Variants in PLEKHG7 observed in about 807,000 individuals in gnomAD.
PLEKHG7 encodes the protein pleckstrin homology domain-containing family G member 7.
In PLEKHG7, 77 loss-of-function variants were observed where a neutral mutation model predicts 85.2. The ratio of observed to expected loss-of-function variants is 0.90; its 90% confidence interval spans 0.75 to 1.09. The LOEUF (loss-of-function observed/expected upper bound fraction) is 1.09. Among genes scored for constraint, PLEKHG7 ranks in the 50% least tolerant of loss-of-function variants. The pLI is 0.00. For missense variants in PLEKHG7, 777 were observed against 804.3 expected (o/e 0.97, Z 0.41); for synonymous variants, 301 against 302.4 (o/e 1.00, Z 0.05).
chr12:92,716,359 A>G (rs148521264), intron 3 of PLEKHG7, among the ~76,000 whole-genome samples: 41 of 152,282 alleles, frequency 2.7e-4, no homozygotes, highest in Middle Eastern at 6.8e-3. Context: ...TGGCCTCCCA[A>G]AGTGCTGGGA....
chr12:92,712,830 C>A (rs1349245261), intron 3 of PLEKHG7, among the ~76,000 whole-genome samples: 2 of 152,172 alleles, frequency 1.3e-5, no homozygotes, highest in Non-Finnish European at 2.9e-5. Flanking sequence ...TGGGGACCCA[C>A]TGGACTCACT....
At chr12:92,707,234 TA>T (rs35501734) in intron 2 of PLEKHG7, 96 bp downstream of exon 2, 1 of 1,472,804 alleles carries the variant, frequency 6.8e-7, no homozygotes, top group Non-Finnish European at 8.9e-7. Flanking sequence ...CAGTAGATCC[TA>T]AAAAGGAGAC....
intron 7 of PLEKHG7, among the ~76,000 whole-genome samples, chr12:92,737,739 G>GGGAGGGAGCGAGGAAGGGAGGGAGGGAA (rs1872206852): frequency 7.9e-6 from 1 of 126,456 alleles, no homozygotes; most frequent in Non-Finnish European, 1.7e-5. Context: ...GAGGGAGGAA[G>GGGAGGGAGCGAGGAAGGGAGGGAGGGAA]GGAGGGAGGG....
At chr12:92,735,616 C>A (rs920041370) in intron 5 of PLEKHG7, among the ~76,000 whole-genome samples, 3 of 152,204 alleles carry the variant, frequency 2.0e-5, no homozygotes, top group African/African-American at 7.2e-5. Context: ...TATTTGATAG[C>A]TTCTTCCTGC....
At chr12:92,719,609 T>C (rs959032709) in intron 3 of PLEKHG7, among the ~76,000 whole-genome samples, 8 of 152,232 alleles carry the variant, frequency 5.3e-5, no homozygotes, top group Non-Finnish European at 1.2e-4. Context: ...AGATTTTTAT[T>C]CCTTTTAGAC....
intron 14 of PLEKHG7, among the ~76,000 whole-genome samples, chr12:92,762,254 T>TACTG (rs1873058770): frequency 6.6e-6 from 1 of 152,212 alleles, no homozygotes; most frequent in Non-Finnish European, 1.5e-5. Context: ...CTGAACTGTC[T>TACTG]ACTGTCTTAT....
At chr12:92,731,172 AAT>A (rs1324693224) in intron 4 of PLEKHG7, among the ~76,000 whole-genome samples, 1 of 152,204 alleles carries the variant, frequency 6.6e-6, no homozygotes, top group Non-Finnish European at 1.5e-5. Flanking sequence ...CAGGGACCCC[AAT>A]TATTGCAGTT....
intron 10 of PLEKHG7, among the ~76,000 whole-genome samples, chr12:92,750,061 A>C (rs1872651011): frequency 6.9e-6 from 1 of 145,262 alleles, no homozygotes; most frequent in Admixed American, 7.0e-5. Flanking sequence ...ACAGGGTCTC[A>C]CTCTGTCACC....
rs549664322 is a variant in PLEKHG7 at position 92,733,031 on chromosome 12, C to T, written c.699+758C>T. ...CCTCATTCTGTTAAAAATCTGCCCA[C>T]GTGGCCTTGCCAATCAGTTTGGCAT... On this transcript the variant is annotated intron_variant, in intron 5 of 16. Coordinates refer to ENST00000344636, the MANE Select transcript of PLEKHG7 (RefSeq NM_001377329.1). 6.8e-4 allele frequency among the ~76,000 whole-genome samples: 104 copies of T among 152,282 alleles called. 1 individual carries two copies. The highest frequency in any genetic ancestry group is 1.9e-3 in the Admixed American group (29 of 15,280).
rs546240073 is a variant in PLEKHG7, at chr12:92,722,570, T to TAG, written c.531-6423_531-6422insAG. Reference sequence around the variant, plus strand: ...GTTCACAAGCCGGTTATCTTCTCCCTGCTCCCTATGTGCAAATTCAACTCC... The same window carrying TAG: ...GTTCACAAGCCGGTTATCTTCTCCCTAGGCTCCCTATGTGCAAATTCAACTCC... On this transcript the variant is annotated intron_variant, in intron 3 of 16. Coordinates refer to ENST00000344636, the MANE Select transcript of PLEKHG7 (RefSeq NM_001377329.1). Among the ~76,000 whole-genome samples the TAG allele has an allele frequency of 1.8e-3, 268 of 152,312 alleles. 2 individuals carry two copies. Among genetic ancestry groups the TAG allele is most frequent in the African/African-American group, 6.3e-3 (263 of 41,562 alleles).
At chr12:92,741,629 A>T in intron 9 of PLEKHG7, 37 bp downstream of exon 9, 1 of 1,503,596 alleles carries the variant, frequency 6.7e-7, no homozygotes. Flanking sequence ...TTCATGTAGT[A>T]AAATCACCCA....
intron 5 of PLEKHG7, among the ~76,000 whole-genome samples, chr12:92,734,694 T>C (rs1008415337): frequency 2.0e-5 from 3 of 152,092 alleles, no homozygotes; most frequent in African/African-American, 7.2e-5. Context: ...TCATTAGAGC[T>C]CTCCATAGAT....
At chr12:92,768,201 C>T (rs558772093) in intron 15 of PLEKHG7, among the ~76,000 whole-genome samples, 14 of 149,046 alleles carry the variant, frequency 9.4e-5, no homozygotes, top group South Asian at 8.5e-4. Context: ...TGAGAGACTT[C>T]GTCTCAAGAA....
intron 5 of PLEKHG7, among the ~76,000 whole-genome samples, chr12:92,733,984 G>A (rs912411960): frequency 1.3e-5 from 2 of 152,210 alleles, no homozygotes; most frequent in African/African-American, 2.4e-5. Flanking sequence ...TTGGCACTAT[G>A]TTGGAGGGAG....
chr12:92,703,022 G>A lies in PLEKHG7; in HGVS notation c.-272G>A, dbSNP rs542048056. On this transcript the variant is annotated 5_prime_UTR_variant, in exon 1 of 17. Transcript: ENST00000344636. The stretch of plus-strand genomic sequence containing the variant: ...AGGAGGACGCATTGTTACAGGTGTG[G>A]AACTTGTTGCTCCGAGCCCTCGCCT... 45 of 152,334 alleles carry A rather than the reference G, an allele frequency of 3.0e-4. No homozygotes were observed. Among genetic ancestry groups the A allele is most frequent in the African/African-American group, 7.2e-4 (30 of 41,566 alleles). The allele number at this position is 152,334 out of a possible 1,614,324, so 9.4% of individuals were successfully genotyped here.
At position 92,735,685 on chromosome 12, in the gene PLEKHG7, G is replaced by C. The variant is rs375786739; in HGVS notation, c.700-797G>C. On this transcript the variant is annotated intron_variant, in intron 5 of 16. Coordinates refer to ENST00000344636, the MANE Select transcript of PLEKHG7 (RefSeq NM_001377329.1). ...ATTCATGATGTCGCAATAGAATAGTGAATGAACTAAAAAGAAAATGTTCAC... is the reference window on the plus strand; with the variant it reads ...ATTCATGATGTCGCAATAGAATAGTCAATGAACTAAAAAGAAAATGTTCAC... Among the ~76,000 whole-genome samples the C allele has an allele frequency of 3.3e-5, 5 of 152,246 alleles. No individual in the cohort carries two copies. The East Asian group carries it at 7.7e-4, about 24-fold the overall frequency.
chr12:92,743,504 A>G (rs1872428708), intron 9 of PLEKHG7, among the ~76,000 whole-genome samples: 1 of 145,688 alleles, frequency 6.9e-6, no homozygotes, highest in African/African-American at 2.5e-5. Context: ...CATATAGCCA[A>G]TGGGTGATAG....
Position 92,741,462 on chromosome 12 carries a change from A to G in PLEKHG7, c.1036-29A>G, listed in dbSNP as rs377723639. The G allele has an allele frequency of 2.8e-4, 421 of 1,515,070 alleles. 3 individuals are homozygous for G. The South Asian group carries it at 3.6e-3, about 13-fold the overall frequency. 93.9% of individuals were successfully genotyped at this position (1,515,070 alleles called of 1,614,324 possible). A position where few individuals can be genotyped will look rare whatever the true frequency, so the allele number is the denominator to read the frequency against. ...ATTCCTTAACCCTGGGTGTGTGCCT[A>G]TTTTTGTTTTCTTTCTCTCTGTCCC... is the stretch of plus-strand genomic sequence containing the variant. On this transcript the variant is annotated intron_variant, in intron 8 of 16. Transcript: ENST00000344636.
At chr12:92,761,960 G>A (rs1306818162) in intron 14 of PLEKHG7, 129 bp downstream of exon 14, 3 of 1,200,502 alleles carry the variant, frequency 2.5e-6, no homozygotes, top group Non-Finnish European at 3.2e-6. Context: ...AAAAAATGAA[G>A]GCATTATAAA....
Sources: gnomAD v4.1 joint callset for allele counts (sites outside exome capture counted in the v4.1 genomes callset) on GRCh38, gnomAD v4.1.1 for gene constraint, MANE v1.5 for transcripts, NCBI Gene and HGNC (gene_info 2026-07-23, HGNC 2026-07-21) for gene names.